CSGALNACT1: variants seen among roughly 807,000 people sequenced by gnomAD.
The protein encoded by CSGALNACT1 is beta4GalNAcT-1.
Under a neutral mutation model 51.0 loss-of-function variants are expected in CSGALNACT1, and 52 were observed. The observed-to-expected ratio is 1.02, with a 90% CI of 0.82 to 1.29. The LOEUF (loss-of-function observed/expected upper bound fraction) is 1.29. Ranked by LOEUF, CSGALNACT1 falls within the 50% of genes most tolerant of loss-of-function variation. CSGALNACT1 has a pLI of 0.00. For synonymous variants in CSGALNACT1, 341 were observed against 254.4 expected, an observed-to-expected ratio of 1.34 and a Z score of -3.24; for missense variants, 935 against 679.2, an observed-to-expected ratio of 1.38 and a Z score of -4.19.
chr8:19,548,497 A>C (rs1399810071), intron 3 of CSGALNACT1, among the ~76,000 whole-genome samples: 1 of 152,166 alleles, frequency 6.6e-6, no homozygotes, highest in Non-Finnish European at 1.5e-5. Context: ...TATTCACATG[A>C]AACTAAACAA....
chr8:19,707,055 C>CGCTG (rs1302399579), intron 1 of CSGALNACT1, among the ~76,000 whole-genome samples: 3 of 152,092 alleles, frequency 2.0e-5, no homozygotes, highest in African/African-American at 7.2e-5. Context: ...CTCTTACCAG[C>CGCTG]ACCCAGGGAT....
At chr8:19,691,612 T>G (rs143916248) in intron 1 of CSGALNACT1, among the ~76,000 whole-genome samples, 16 of 152,142 alleles carry the variant, frequency 1.1e-4, no homozygotes, top group Admixed American at 1.0e-3. Flanking sequence ...TGACTTTCAT[T>G]CACAGACGGC....
chr8:19,673,279 C>A (rs1326699261), intron 1 of CSGALNACT1, among the ~76,000 whole-genome samples: 1 of 152,234 alleles, frequency 6.6e-6, no homozygotes, highest in Non-Finnish European at 1.5e-5. Context: ...GTAACTACTG[C>A]AGCTTCACAA....
chr8:19,675,915 A>G (rs1433626078), intron 1 of CSGALNACT1, among the ~76,000 whole-genome samples: 1 of 151,832 alleles, frequency 6.6e-6, no homozygotes, highest in Non-Finnish European at 1.5e-5. Context: ...GATTCACACC[A>G]GGGCCCAAAT....
At chr8:19,693,185 G>T (rs961205989) in intron 1 of CSGALNACT1, among the ~76,000 whole-genome samples, 2 of 152,152 alleles carry the variant, frequency 1.3e-5, no homozygotes, top group Admixed American at 6.5e-5. Flanking sequence ...GAAGACTGGA[G>T]GACCAGAGGA....
chr8:19,620,356 C>T (rs549815342), intron 1 of CSGALNACT1, among the ~76,000 whole-genome samples: 45 of 146,362 alleles, frequency 3.1e-4, no homozygotes, highest in Non-Finnish European at 5.2e-4. Flanking sequence ...AATACTGTGT[C>T]TGACCTACAA....
At chr8:19,682,782 T>G (rs964644262), upstream of CSGALNACT1, 2 of 453,878 alleles carry the variant, frequency 4.4e-6, no homozygotes, top group Non-Finnish European at 8.8e-6. Context: ...GTTTGAGGTC[T>G]GGTTTTAAGC....
chr8:19,692,691 G>C (rs2061393677), intron 1 of CSGALNACT1, among the ~76,000 whole-genome samples: 1 of 152,156 alleles, frequency 6.6e-6, no homozygotes, highest in African/African-American at 2.4e-5. Context: ...CATGGTAATG[G>C]AAATTTCCAT....
chr8:19,459,940 T>C (rs1220393552), intron 4 of CSGALNACT1, among the ~76,000 whole-genome samples: 3 of 152,186 alleles, frequency 2.0e-5, no homozygotes, highest in African/African-American at 2.4e-5. Context: ...AGGTTGAAGA[T>C]ATGAACTCAG....
intron 1 of CSGALNACT1, among the ~76,000 whole-genome samples, chr8:19,729,357 C>G (rs1226853838): frequency 6.6e-6 from 1 of 152,178 alleles, no homozygotes; most frequent in African/African-American, 2.4e-5. Context: ...AACTAGCAAC[C>G]ATTCCTATGC....
intron 5 of CSGALNACT1, among the ~76,000 whole-genome samples, chr8:19,442,918 G>C (rs1181294721): frequency 1.3e-5 from 2 of 152,098 alleles, no homozygotes; most frequent in African/African-American, 4.8e-5. Context: ...ATGACTATCT[G>C]AGGAAATGGC....
At chr8:19,439,008 C>G (rs2060857076) in intron 6 of CSGALNACT1, among the ~76,000 whole-genome samples, 1 of 152,216 alleles carries the variant, frequency 6.6e-6, no homozygotes, top group Non-Finnish European at 1.5e-5. Flanking sequence ...CTGAGTACCA[C>G]TGGCCATACT....
intron 3 of CSGALNACT1, among the ~76,000 whole-genome samples, chr8:19,523,824 A>T (rs1365493603): frequency 5.3e-5 from 8 of 152,202 alleles, no homozygotes; most frequent in Non-Finnish European, 1.0e-4. Flanking sequence ...GTTTATGTCA[A>T]GGGAATGTGA....
intron 1 of CSGALNACT1, among the ~76,000 whole-genome samples, chr8:19,676,991 G>C (rs1275917448): frequency 1.3e-5 from 2 of 152,184 alleles, no homozygotes; most frequent in Non-Finnish European, 2.9e-5. Flanking sequence ...TAGAGGACTA[G>C]AGACAAAAGT....
At chr8:19,615,060 C>T (rs995869466) in intron 1 of CSGALNACT1, among the ~76,000 whole-genome samples, 16 of 152,186 alleles carry the variant, frequency 1.1e-4, no homozygotes, top group Non-Finnish European at 1.8e-4. Flanking sequence ...AAAATATCAA[C>T]ACACTTTGGG....
intron 1 of CSGALNACT1, among the ~76,000 whole-genome samples, chr8:19,678,351 A>G (rs550882040): frequency 6.6e-6 from 1 of 152,316 alleles, no homozygotes; most frequent in East Asian, 1.9e-4. Context: ...TTGGGACTCC[A>G]GACTGAGAAT....
intron 1 of CSGALNACT1, among the ~76,000 whole-genome samples, chr8:19,614,033 T>A (rs942065469): frequency 2.6e-5 from 4 of 152,180 alleles, no homozygotes; most frequent in African/African-American, 7.2e-5. Context: ...TTAACAAGTT[T>A]CATTGTTGTG....
At chr8:19,598,968 T>C (rs116823624) in intron 2 of CSGALNACT1, among the ~76,000 whole-genome samples, 26 of 152,202 alleles carry the variant, frequency 1.7e-4, no homozygotes, top group African/African-American at 5.5e-4. Context: ...CACACTACCA[T>C]TGAGGTGAGG....
At chr8:19,661,016 G>C (rs112505740) in intron 1 of CSGALNACT1, among the ~76,000 whole-genome samples, 2,305 of 152,050 alleles carry the variant, frequency 0.015, 61 homozygotes, top group African/African-American at 0.052. Context: ...GGGTTCAAGC[G>C]AATCTCCTGC....
Sources: gnomAD v4.1 joint callset for allele counts (sites outside exome capture counted in the v4.1 genomes callset) on GRCh38, gnomAD v4.1.1 for gene constraint, MANE v1.5 for transcripts, NCBI Gene and HGNC (gene_info 2026-07-23, HGNC 2026-07-21) for gene names.